MEFV: variants seen among roughly 807,000 people sequenced by gnomAD.
MEFV encodes the protein MEFV innate immunity regulator, pyrin.
MEFV carries 60 observed loss-of-function variants against 62.5 expected under a neutral mutation model. That is an observed-to-expected ratio of 0.96 (90% CI 0.78 to 1.19). MEFV has a LOEUF of 1.19. MEFV is among the 50% of genes most tolerant of loss of function. The pLI, the probability that MEFV is intolerant of heterozygous loss-of-function variation, is 0.00. For missense variants in MEFV, 1,169 were observed against 1,004.5 expected, an observed-to-expected ratio of 1.16 and a Z score of -2.21; for synonymous variants, 500 against 415.2, an observed-to-expected ratio of 1.20 and a Z score of -2.48.
chr16:3,250,856 T>C (rs1303683042), intron 2 of MEFV, among the ~76,000 whole-genome samples: 1 of 151,272 alleles, frequency 6.6e-6, no homozygotes, highest in African/African-American at 2.4e-5. Context: ...AAACCCTGTC[T>C]CTACTAAAAA....
intron 1 of MEFV, 83 bp from the exon 2 acceptor site, chr16:3,254,873 T>G: frequency 1.3e-6 from 2 of 1,595,948 alleles, no homozygotes; most frequent in East Asian, 2.2e-5. Flanking sequence ...GAGAATCCCC[T>G]TGGATATTAA....
chr16:3,248,939 G>A lies in MEFV; in HGVS notation c.1326C>T (p.Ser442=). The stretch of plus-strand genomic sequence containing the variant: ...AGCTCACTGCCTTCTCCTCCCCATA[G>A]GATCGCTGCTCCTCCCCTGATTTTC... ...KLRKSGEEQR[S]YGEEKAVSFL... is the part of the protein sequence containing the mutation. Residue 442 remains serine, a synonymous_variant, in exon 4 of 10, where the codon TCC becomes TCT. Coordinates refer to ENST00000219596, the MANE Select transcript of MEFV (RefSeq NM_000243.3). The A allele has an allele frequency of 6.2e-7, 1 of 1,614,182 alleles. No homozygotes were observed. Among genetic ancestry groups the A allele is most frequent in the Non-Finnish European group, 8.5e-7 (1 of 1,180,026 alleles).
At chr16:3,246,466 G>A in intron 6 of MEFV, 59 bp downstream of exon 6, 8 of 1,603,812 alleles carry the variant, frequency 5.0e-6, no homozygotes, top group Non-Finnish European at 6.8e-6. Flanking sequence ...TTCTGGGACT[G>A]TCTCCCCCAT....
chr16:3,245,563 G>C (rs182695813), intron 6 of MEFV, among the ~76,000 whole-genome samples: 42 of 152,212 alleles, frequency 2.8e-4, no homozygotes, highest in African/African-American at 9.9e-4. Flanking sequence ...GAACCTGGGA[G>C]GCAGAGGTTG....
In MEFV at chr16:3,254,798, G is replaced by A. The variant is rs770506351; in HGVS notation, c.278-8C>T. 4 of 1,610,530 alleles carry A rather than the reference G, an allele frequency of 2.5e-6. No homozygotes were observed. The highest frequency in any genetic ancestry group is 3.4e-6 in the Non-Finnish European group (4 of 1,179,994). On this transcript the variant is annotated splice_polypyrimidine_tract_variant and splice_region_variant and intron_variant, in intron 1 of 9. Transcript: ENST00000219596. Reference sequence around the variant, plus strand: ...TTTCTTGTGTGGAATATTCTGGAAGGACAACCAGATGCAAAATGATGAAGC... The same window carrying A: ...TTTCTTGTGTGGAATATTCTGGAAGAACAACCAGATGCAAAATGATGAAGC...
chr16:3,245,402 G>T (rs1467389225), intron 6 of MEFV, among the ~76,000 whole-genome samples: 1 of 152,216 alleles, frequency 6.6e-6, no homozygotes. Flanking sequence ...AGCGCTTTGG[G>T]AGGCCAAGGT....
chr16:3,244,279 C>T lies in MEFV; in HGVS notation c.1734G>A (p.Leu578=). 1 of 1,614,022 alleles carries T rather than the reference C, an allele frequency of 6.2e-7. No individual in the cohort carries two copies. The highest frequency in any genetic ancestry group is 8.5e-7 in the Non-Finnish European group (1 of 1,180,008). Residue 578 remains leucine (L), a synonymous_variant, in exon 8 of 10, where the codon CTG becomes CTA. Transcript: ENST00000219596. ...EKSTKYFSET[L]RSEMEMFNVP... is the part of the protein sequence containing the mutation. ...CATTGAACATTTCCATTTCTGAACG[C>T]AGGGTTTCTAAAATGTGGGAAAGGG...
rs1437064243 is a variant in MEFV at position 3,247,038 on chromosome 16, T to C, written c.1565A>G (p.Gln522Arg). 2.5e-6 allele frequency: 4 copies of C among 1,614,102 alleles called. No individual in the cohort carries two copies. Among genetic ancestry groups the C allele is most frequent in the Non-Finnish European group, 3.4e-6 (4 of 1,180,040 alleles). Residue 522 changes from glutamine to arginine, a missense_variant, in exon 5 of 10, where the codon CAG (glutamine) becomes CGG (arginine). By Grantham distance (43) the Gln-to-Arg change is conservative. Transcript: ENST00000219596. ...CACCTGCAGAAGTTCCCATTCTGAC[T>C]GGCACTCCTTGGCCTCCAGTTCCCC... The part of the protein sequence containing the change: ...LIGELEAKEC[Q>R]SEWELLQDIG...
At chr16:3,245,325 AAGGG>A (rs1212247537) in intron 6 of MEFV, among the ~76,000 whole-genome samples, 7 of 147,170 alleles carry the variant, frequency 4.8e-5, no homozygotes, top group African/African-American at 1.0e-4. Flanking sequence ...GAAAGGAAGG[AAGGG>A]AGGGAGGGAG....
At position 3,254,298 on chromosome 16, in the gene MEFV, G is replaced by A. The variant is rs201025181; in HGVS notation, c.770C>T (p.Pro257Leu). The change falls in exon 2 of 10, where the codon CCA becomes CTA. Residue 257 changes from proline to leucine, a missense_variant. Transcript: ENST00000219596. ...ISTGEKAPAN[P>L]EILLTLEEKT... Reference sequence around the variant, plus strand: ...TTCCTCTAGAGTCAGGAGAATTTCTGGATTTGCGGGCGCCTTCTCCCCTGT... The same window carrying A: ...TTCCTCTAGAGTCAGGAGAATTTCTAGATTTGCGGGCGCCTTCTCCCCTGT... 6 of 1,614,244 alleles carry A rather than the reference G, an allele frequency of 3.7e-6. No homozygotes were observed. The East Asian group carries it at 1.3e-4, about 36-fold the overall frequency.
rs1488237213 is a variant in MEFV, at chr16:3,243,177, C to T, written c.2310G>A (p.Leu770=). The T allele has an allele frequency of 1.8e-5, 29 of 1,613,836 alleles. No homozygotes were observed. The highest frequency in any genetic ancestry group is 2.4e-5 in the Non-Finnish European group (28 of 1,180,018). Residue 770 remains leucine, a synonymous_variant, in exon 10 of 10, where the codon CTG becomes CTA. Transcript: ENST00000219596. ...TRDGGKNTAP[L]TICPVGGQGP... ...CCTGACCACCCACTGGACAGATAGT[C>T]AGAGGAGCTGTGTTCTTCCCTCCAT...
chr16:3,255,241 C>T (rs879848805), intron 1 of MEFV, among the ~76,000 whole-genome samples: 11 of 152,030 alleles, frequency 7.2e-5, no homozygotes, highest in Admixed American at 3.9e-4. Flanking sequence ...CGCTTGAGCC[C>T]GGGATGTGGA....
intron 2 of MEFV, chr16:3,252,189 C>A (rs1959045345): frequency 1.1e-5 from 2 of 182,176 alleles, no homozygotes; most frequent in Admixed American, 1.1e-4. Flanking sequence ...CTGGAAGACC[C>A]AGGGACTTCT....
chr16:3,244,164 T>C, intron 8 of MEFV, 90 bp downstream of exon 8: 1 of 1,594,190 alleles, frequency 6.3e-7, no homozygotes, highest in Non-Finnish European at 8.6e-7. Flanking sequence ...GTTTTTTTTT[T>C]TGTCTTCTAA....
chr16:3,250,202 C>G (rs570978249), intron 2 of MEFV, among the ~76,000 whole-genome samples: 58 of 152,304 alleles, frequency 3.8e-4, no homozygotes, highest in African/African-American at 1.4e-3. Context: ...TCGCTCCTAG[C>G]TGGATCCCAG....
Position 3,243,646 on chromosome 16 carries a change from G to T in MEFV, c.1841C>A (p.Ser614Tyr), listed in dbSNP as rs1332372034. ...AETAYPNLIF[S>Y]DDLKSVRLGN... Reference sequence around the variant, plus strand: ...AAGTCTAACACTCTTCAGATCATCAGAGAAGATGAGGTTGGGGTAAGCGGT... The same window carrying T: ...AAGTCTAACACTCTTCAGATCATCATAGAAGATGAGGTTGGGGTAAGCGGT... The change falls in exon 10 of 10, where the codon TCT (serine) becomes TAT (tyrosine). Residue 614 changes from serine to tyrosine, a missense_variant. Physicochemically the swap from Ser to Tyr is moderately radical, Grantham distance 144 (BLOSUM62 -2). Transcript: ENST00000219596. 6.2e-7 allele frequency: 1 copy of T among 1,600,532 alleles called. No homozygotes were observed. The highest frequency in any genetic ancestry group is 8.5e-7 in the Non-Finnish European group (1 of 1,173,756).
rs170383 is a variant in MEFV at position 3,244,931 on chromosome 16, A to C, written c.1611-343T>G. 0.58 allele frequency among the ~76,000 whole-genome samples: 88,395 copies of C among 151,746 alleles called. 25,998 individuals carry two copies. Among genetic ancestry groups the C allele is most frequent in the South Asian group, 0.72 (3,494 of 4,820 alleles). ...ATAAAAAGATAATAAATGAAAAAAA[A>C]ACACACACAACAAAATATCCCTTCA... On this transcript the variant is annotated intron_variant, in intron 6 of 9. Transcript: ENST00000219596.
chr16:3,243,165 T>G lies in MEFV; in HGVS notation c.2322A>C (p.Pro774=). ...TTCAGTCAGGCCCCTGACCACCCAC[T>G]GGACAGATAGTCAGAGGAGCTGTGT... is the stretch of plus-strand genomic sequence containing the variant. The part of the protein sequence containing the change: ...GKNTAPLTIC[P]VGGQGPD The change falls in exon 10 of 10, where the codon CCA becomes CCC. Residue 774 remains proline, a synonymous_variant. Transcript: ENST00000219596. The G allele has an allele frequency of 1.9e-6, 3 of 1,613,822 alleles. No individual in the cohort carries two copies. The highest frequency in any genetic ancestry group is 2.5e-6 in the Non-Finnish European group (3 of 1,180,024).
chr16:3,248,399 G>C (rs1016999243), intron 4 of MEFV: 2 of 171,422 alleles, frequency 1.2e-5, no homozygotes, highest in Admixed American at 5.7e-5. Flanking sequence ...AGAACAGCCT[G>C]ACCAACATGG....
Sources: gnomAD v4.1 joint callset for allele counts (sites outside exome capture counted in the v4.1 genomes callset) on GRCh38, gnomAD v4.1.1 for gene constraint, MANE v1.5 for transcripts, NCBI Gene and HGNC (gene_info 2026-07-23, HGNC 2026-07-21) for gene names.